MROH9: variants seen among roughly 807,000 people sequenced by gnomAD.
The protein encoded by MROH9 is maestro heat-like repeat-containing protein family member 9.
Under a neutral mutation model 98.2 loss-of-function variants are expected in MROH9, and 92 were observed. The ratio of observed to expected loss-of-function variants is 0.94; its 90% CI spans 0.79 to 1.11. The LOEUF is 1.11. Among genes scored for constraint, MROH9 ranks in the 50% most tolerant of loss-of-function variants. The probability of loss-of-function intolerance (pLI) is 0.00; values close to 1 mark genes in which losing one functional copy is unlikely to be tolerated. For missense variants in MROH9, 1,057 were observed against 1,014.8 expected (o/e 1.04, Z -0.57); for synonymous variants, 397 against 368.9 (o/e 1.08, Z -0.87).
At chr1:170,947,634 T>C (rs1398568432) in intron 3 of MROH9, 61 bp downstream of exon 3, 1 of 1,411,362 alleles carries the variant, frequency 7.1e-7, no homozygotes, top group Non-Finnish European at 9.9e-7. Flanking sequence ...AATAACTTTT[T>C]ACTGTTTCCA....
intron 1 of MROH9, among the ~76,000 whole-genome samples, chr1:170,937,713 C>T (rs1466111312): frequency 1.3e-5 from 2 of 151,530 alleles, no homozygotes; most frequent in Admixed American, 6.6e-5. Flanking sequence ...TTAGTAGAGA[C>T]GGGGTTTCAC....
At chr1:171,017,285 G>A (rs1652355993) in intron 17 of MROH9, among the ~76,000 whole-genome samples, 1 of 152,212 alleles carries the variant, frequency 6.6e-6, no homozygotes, top group Admixed American at 6.5e-5. Flanking sequence ...CAGCGGGCAT[G>A]ACCCATGGAG....
intron 20 of MROH9, among the ~76,000 whole-genome samples, chr1:171,043,451 G>A (rs1328919066): frequency 1.3e-5 from 2 of 151,914 alleles, no homozygotes; most frequent in African/African-American, 4.8e-5. Flanking sequence ...GATAGCTTTG[G>A]CTATTCTGGG....
At chr1:170,936,594 C>T (rs1164366111) in intron 1 of MROH9, among the ~76,000 whole-genome samples, 1 of 152,180 alleles carries the variant, frequency 6.6e-6, no homozygotes, top group Non-Finnish European at 1.5e-5. Context: ...CTCAGTTTGA[C>T]ACGTAATATT....
intron 15 of MROH9, among the ~76,000 whole-genome samples, chr1:171,001,422 C>T (rs1651777175): frequency 6.6e-6 from 1 of 151,940 alleles, no homozygotes; most frequent in African/African-American, 2.4e-5. Context: ...TAGCTGTATC[C>T]CAGAGGTTTT....
intron 20 of MROH9, among the ~76,000 whole-genome samples, chr1:171,049,847 A>T (rs559444352): frequency 6.6e-6 from 1 of 152,014 alleles, no homozygotes; most frequent in East Asian, 1.9e-4. Context: ...TGCTAGACTG[A>T]TTTTTGTATT....
intron 8 of MROH9, among the ~76,000 whole-genome samples, chr1:170,979,027 ATGATTG>A (rs1650825663): frequency 6.6e-6 from 1 of 152,208 alleles, no homozygotes; most frequent in Non-Finnish European, 1.5e-5. Context: ...GAAAGCTTAA[ATGATTG>A]TTAGCATTTT....
chr1:170,976,516 G>A (rs1316867412), intron 8 of MROH9, among the ~76,000 whole-genome samples: 1 of 152,094 alleles, frequency 6.6e-6, no homozygotes, highest in Non-Finnish European at 1.5e-5. Flanking sequence ...GGAAGCTGAG[G>A]TGGGTAGATC....
intron 12 of MROH9, among the ~76,000 whole-genome samples, chr1:170,993,617 C>T (rs1426549540): frequency 6.6e-6 from 1 of 151,858 alleles, no homozygotes; most frequent in African/African-American, 2.4e-5. Context: ...AGGGAGTGCT[C>T]GAGTTAGTGT....
chr1:170,953,410 C>CAAA (rs142001503), intron 3 of MROH9, among the ~76,000 whole-genome samples: 50 of 150,532 alleles, frequency 3.3e-4, no homozygotes, highest in Admixed American at 8.6e-4. Context: ...CATCTAAAAA[C>CAAA]AAAAAAAAAC....
intron 6 of MROH9, among the ~76,000 whole-genome samples, chr1:170,963,069 T>A (rs1382330781): frequency 1.3e-5 from 2 of 151,392 alleles, no homozygotes; most frequent in South Asian, 2.1e-4. Flanking sequence ...TGGGAGAAAA[T>A]TTTTGCAAAC....
intron 1 of MROH9, among the ~76,000 whole-genome samples, chr1:170,936,873 T>C (rs1394579601): frequency 6.6e-6 from 1 of 151,616 alleles, no homozygotes; most frequent in Non-Finnish European, 1.5e-5. Flanking sequence ...GTGGGGGAGA[T>C]CTGTGTAGGG....
At chr1:170,977,495 G>A (rs771655115) in intron 8 of MROH9, among the ~76,000 whole-genome samples, 2 of 152,186 alleles carry the variant, frequency 1.3e-5, no homozygotes, top group East Asian at 1.9e-4. Context: ...ATGTTAGTGA[G>A]ATATTTTGTT....
At chr1:170,954,629 C>T (rs1649691353) in intron 3 of MROH9, among the ~76,000 whole-genome samples, 1 of 152,056 alleles carries the variant, frequency 6.6e-6, no homozygotes, top group African/African-American at 2.4e-5. Flanking sequence ...CAAGGGTTTA[C>T]ATGCATCCAA....
chr1:170,999,955 A>G (rs1229009677), intron 15 of MROH9, among the ~76,000 whole-genome samples: 2 of 151,978 alleles, frequency 1.3e-5, no homozygotes, highest in Non-Finnish European at 2.9e-5. Flanking sequence ...ATTTTTTCAT[A>G]TGTTTGTTGG....
chr1:170,997,934 A>G lies in MROH9; in HGVS notation c.1476-220A>G, dbSNP rs1651643155. 2.6e-5 allele frequency among the ~76,000 whole-genome samples: 4 copies of G among 152,144 alleles called. No individual in the cohort carries two copies. The South Asian group carries it at 8.3e-4, about 31-fold the overall frequency. On this transcript the variant is annotated intron_variant, in intron 14 of 21. Coordinates refer to ENST00000367759, the MANE Select transcript of MROH9 (RefSeq NM_001163629.2). ...GTGGCAAAGGATGGGAGAGACAGGA[A>G]AGAGAAGTGACATTAAGGAAAGAGA...
intron 3 of MROH9, among the ~76,000 whole-genome samples, chr1:170,955,386 A>C (rs768834659): frequency 1.7e-4 from 26 of 152,064 alleles, no homozygotes; most frequent in Non-Finnish European, 3.4e-4. Context: ...TTCTTTAAGG[A>C]ATCTCCACAC....
At chr1:170,956,613 A>T (rs1333494439) in intron 3 of MROH9, among the ~76,000 whole-genome samples, 1 of 93,800 alleles carries the variant, frequency 1.1e-5, no homozygotes, top group Admixed American at 1.3e-4. Context: ...TTTTTTTTGC[A>T]GCCATTGTAA....
intron 20 of MROH9, among the ~76,000 whole-genome samples, chr1:171,031,389 C>T (rs2101849053): frequency 6.6e-6 from 1 of 152,266 alleles, no homozygotes; most frequent in South Asian, 2.1e-4. Flanking sequence ...TTGGTCATTA[C>T]ATTTTGGTGT....
Sources: allele counts gnomAD v4.1 joint callset (sites outside exome capture counted in the v4.1 genomes callset), GRCh38; gene constraint gnomAD v4.1.1; transcripts MANE v1.5; gene names NCBI Gene and HGNC (gene_info 2026-07-23, HGNC 2026-07-21).